IMP3: variants seen among roughly 807,000 people sequenced by gnomAD.
The protein encoded by IMP3 is IMP U3 small nucleolar ribonucleoprotein 3.
In IMP3, 17 loss-of-function variants were observed where a neutral mutation model predicts 10.2. The ratio of observed to expected loss-of-function variants is 1.67; its 90% confidence interval spans 1.14 to 2.50. The LOEUF is 2.50. Among genes scored for constraint, IMP3 ranks in the 30% most tolerant of loss-of-function variants. The pLI is 0.00. For synonymous variants in IMP3, 167 were observed against 120.1 expected (o/e 1.39, Z -2.55); for missense variants, 290 against 260.2 (o/e 1.11, Z -0.79).
Position 75,639,642 on chromosome 15 carries a change from T to C in IMP3, c.527A>G (p.Glu176Gly), listed in dbSNP as rs1041614779. ...IKRHVLEYNE[E>G]RDDFDLEA ...GGCTTCCAGATCGAAGTCATCGCGC[T>C]CCTCATTGTACTCTAGCACGTGCCG... is the stretch of plus-strand genomic sequence containing the variant. The change falls in exon 1 of 1, where the codon GAG becomes GGG. Residue 176 changes from glutamate to glycine, a missense_variant. Physicochemically the swap from Glu to Gly is moderately conservative, Grantham distance 98. Transcript: ENST00000403490. 8 of 1,613,884 alleles carry C rather than the reference T, an allele frequency of 5.0e-6. No individual in the cohort carries two copies. The highest frequency in any genetic ancestry group is 5.1e-6 in the Non-Finnish European group (6 of 1,180,030).
Position 75,639,908 on chromosome 15 carries a change from G to A in IMP3, c.261C>T (p.Gly87=), listed in dbSNP as rs1458248833. 6.2e-7 allele frequency: 1 copy of A among 1,610,864 alleles called. No homozygotes were observed. Among genetic ancestry groups the A allele is most frequent in the Non-Finnish European group, 8.5e-7 (1 of 1,179,128 alleles). ...AALLDKLYAL[G]LVPTRGSLEL... is the part of the protein sequence containing the mutation. ...CCAGCGAACCGCGCGTGGGCACCAA[G>A]CCGAGAGCATACAGCTTGTCCAGCA... Residue 87 remains glycine (G), a synonymous_variant, in exon 1 of 1, where the codon GGC becomes GGT. Coordinates refer to ENST00000403490, the MANE Select transcript of IMP3 (RefSeq NM_018285.4).
Position 75,639,493 on chromosome 15 carries a change from T to C in IMP3, c.*121A>G, listed in dbSNP as rs559246780. ...CTATGCATGGCCTGCCACTGATGAA[T>C]CAAATTCTTAAGAACCTACGACCGT... On this transcript the variant is annotated 3_prime_UTR_variant, in exon 1 of 1. Coordinates refer to ENST00000403490, the MANE Select transcript of IMP3 (RefSeq NM_018285.4). 1.2e-4 allele frequency: 101 copies of C among 854,088 alleles called. No homozygotes were observed. The African/African-American group carries it at 1.6e-3, about 13-fold the overall frequency. The allele number at this position is 854,088 out of a possible 1,614,324, so 52.9% of individuals were successfully genotyped here. A position where few individuals can be genotyped will look rare whatever the true frequency, so the allele number is the denominator to read the frequency against.
At position 75,640,175 on chromosome 15, in the gene IMP3, G is replaced by GGCAGCC. The variant is rs749116104; in HGVS notation, c.-13_-8dup. 4.2e-5 allele frequency: 63 copies of GGCAGCC among 1,506,330 alleles called. No homozygotes were observed. The highest frequency in any genetic ancestry group is 5.3e-5 in the South Asian group (4 of 75,730). The allele number at this position is 1,506,330 out of a possible 1,614,324, so 93.3% of individuals were successfully genotyped here. On this transcript the variant is annotated 5_prime_UTR_variant, in exon 1 of 1. Transcript: ENST00000403490. ...ACTTAAGCTTCCGCACCATGATGGC[G>GGCAGCC]GCAGCCGCAGCCGCAGGACCCGAAG...
At position 75,639,993 on chromosome 15, in the gene IMP3, G is replaced by T. The variant is rs751615728; in HGVS notation, c.176C>A (p.Ala59Glu). The part of the protein sequence containing the change: ...NQLSRAVREL[A>E]RRLRDLPERD... ...TTCGGGCAGGTCGCGCAGGCGCCGC[G>T]CCAGCTCACGCACGGCACGGCTCAG... Residue 59 changes from alanine to glutamate, a missense_variant, in exon 1 of 1, where the codon GCG (alanine) becomes GAG (glutamate). Coordinates refer to ENST00000403490, the MANE Select transcript of IMP3 (RefSeq NM_018285.4). 6.2e-7 allele frequency: 1 copy of T among 1,601,490 alleles called. No individual in the cohort carries two copies.
At position 75,640,101 on chromosome 15, in the gene IMP3, A is replaced by T; in HGVS notation, c.68T>A (p.Val23Asp). Residue 23 changes from valine (V) to aspartate (D), a missense_variant, in exon 1 of 1, where the codon GTC becomes GAC. Transcript: ENST00000403490. ...CAGCTCGTGCAGGTTGTGGTCGGTGACCTCCCAGTTCAGGAAGTCCACCTG... is the reference window on the plus strand; with the variant it reads ...CAGCTCGTGCAGGTTGTGGTCGGTGTCCTCCCAGTTCAGGAAGTCCACCTG... The part of the protein sequence containing the change: ...LKQVDFLNWE[V>D]TDHNLHELRV... The T allele has an allele frequency of 6.2e-7, 1 of 1,601,548 alleles. No individual in the cohort carries two copies. The highest frequency in any genetic ancestry group is 1.3e-5 in the African/African-American group (1 of 74,406).
chr15:75,640,224 C>G lies in IMP3; in HGVS notation c.-56G>C. 3 of 1,462,060 alleles carry G rather than the reference C, an allele frequency of 2.1e-6. No individual in the cohort carries two copies. The highest frequency in any genetic ancestry group is 2.7e-6 in the Non-Finnish European group (3 of 1,107,420). The allele number at this position is 1,462,060 out of a possible 1,614,324, so 90.6% of individuals were successfully genotyped here. A position where few individuals can be genotyped will look rare whatever the true frequency, so the allele number is the denominator to read the frequency against. ...AGCTGAGAGCGCGTTCTGGCATCCG[C>G]GCGATTTCCGCCGCGGCGCCCCAAG... On this transcript the variant is annotated 5_prime_UTR_variant, in exon 1 of 1. Transcript: ENST00000403490.
chr15:75,639,564 GCCTCAGTTTT>G lies in IMP3; in HGVS notation c.*40_*49del. ...ACCCTCATAGAATCTCCAGCATCAG[GCCTCAGTTTT>G]CCCATCTGTAAAAGACAGCCATGCA... is the stretch of plus-strand genomic sequence containing the variant. On this transcript the variant is annotated 3_prime_UTR_variant, in exon 1 of 1. Coordinates refer to ENST00000403490, the MANE Select transcript of IMP3 (RefSeq NM_018285.4). The G allele has an allele frequency of 6.6e-7, 1 of 1,524,716 alleles. No homozygotes were observed. Among genetic ancestry groups the G allele is most frequent in the Non-Finnish European group, 9.1e-7 (1 of 1,100,166 alleles). The allele number at this position is 1,524,716 out of a possible 1,614,324, so 94.4% of individuals were successfully genotyped here.
Position 75,639,840 on chromosome 15 carries a change from C to T in IMP3, c.329G>A (p.Arg110His), listed in dbSNP as rs767065001. 1 of 1,609,868 alleles carries T rather than the reference C, an allele frequency of 6.2e-7. No homozygotes were observed. ...FVTASSFCRRRLPTVLLKLRM... is the reference protein window; with the variant it reads ...FVTASSFCRRHLPTVLLKLRM... ...CAGCTTGAGGAGCACGGTGGGGAGG[C>T]GGCGGCGGCAGAAGGACGAGGCCGT... is the stretch of plus-strand genomic sequence containing the variant. Residue 110 changes from arginine to histidine, a missense_variant, in exon 1 of 1, where the codon CGC becomes CAC. Arg to His is a conservative substitution (Grantham distance 29). Transcript: ENST00000403490.
chr15:75,639,372 T>G lies in IMP3; in HGVS notation c.*242A>C. Reference sequence around the variant, plus strand: ...ACAATACCCCAGTGCTGCACCAAGTTACTTCCCACTGTTTCCCAAGGCACA... The same window carrying G: ...ACAATACCCCAGTGCTGCACCAAGTGACTTCCCACTGTTTCCCAAGGCACA... On this transcript the variant is annotated 3_prime_UTR_variant, in exon 1 of 1. Transcript: ENST00000403490. 2 of 539,944 alleles carry G rather than the reference T, an allele frequency of 3.7e-6. No homozygotes were observed. The highest frequency in any genetic ancestry group is 3.5e-5 in the Admixed American group (1 of 28,346). The allele number at this position is 539,944 out of a possible 1,614,324, so 33.4% of individuals were successfully genotyped here.
At position 75,639,853 on chromosome 15, in the gene IMP3, A is replaced by T; in HGVS notation, c.316T>A (p.Phe106Ile). 2 of 1,611,214 alleles carry T rather than the reference A, an allele frequency of 1.2e-6. No homozygotes were observed. Among genetic ancestry groups the T allele is most frequent in the South Asian group, 2.2e-5 (2 of 90,946 alleles). ...ELCDFVTASSFCRRRLPTVLL... is the reference protein window; with the variant it reads ...ELCDFVTASSICRRRLPTVLL... Reference sequence around the variant, plus strand: ...ACGGTGGGGAGGCGGCGGCGGCAGAAGGACGAGGCCGTGACGAAGTCGCAG... The same window carrying T: ...ACGGTGGGGAGGCGGCGGCGGCAGATGGACGAGGCCGTGACGAAGTCGCAG... The change falls in exon 1 of 1, where the codon TTC becomes ATC. Residue 106 changes from phenylalanine to isoleucine, a missense_variant. By Grantham distance (21) the Phe-to-Ile change is conservative. Transcript: ENST00000403490.
chr15:75,639,582 G>GT lies in IMP3; in HGVS notation c.*31dup. 1 of 1,596,958 alleles carries GT rather than the reference G, an allele frequency of 6.3e-7. No homozygotes were observed. ...GCATCAGGCCTCAGTTTTCCCATCT[G>GT]TAAAAGACAGCCATGCAAAGTGGGA... On this transcript the variant is annotated 3_prime_UTR_variant, in exon 1 of 1. Coordinates refer to ENST00000403490, the MANE Select transcript of IMP3 (RefSeq NM_018285.4).
Position 75,640,196 on chromosome 15 carries a change from C to G in IMP3, c.-28G>C, listed in dbSNP as rs776746583. ...TGGCGGCAGCCGCAGCCGCAGGACC[C>G]GAAGCTGAGAGCGCGTTCTGGCATC... On this transcript the variant is annotated 5_prime_UTR_variant, in exon 1 of 1. Coordinates refer to ENST00000403490, the MANE Select transcript of IMP3 (RefSeq NM_018285.4). 67 of 1,493,404 alleles carry G rather than the reference C, an allele frequency of 4.5e-5. No homozygotes were observed. Among genetic ancestry groups the G allele is most frequent in the African/African-American group, 9.9e-5 (7 of 70,418 alleles). The allele number at this position is 1,493,404 out of a possible 1,614,324, so 92.5% of individuals were successfully genotyped here. A position where few individuals can be genotyped will look rare whatever the true frequency, so the allele number is the denominator to read the frequency against.
rs1893405321 is a variant in IMP3, at chr15:75,640,013, G to A, written c.156C>T (p.Ser52=). 2 of 1,601,014 alleles carry A rather than the reference G, an allele frequency of 1.2e-6. No individual in the cohort carries two copies. Among genetic ancestry groups the A allele is most frequent in the Non-Finnish European group, 1.7e-6 (2 of 1,175,100 alleles). ...REDYTRYNQL[S]RAVRELARRL... Reference sequence around the variant, plus strand: ...GCCGCGCCAGCTCACGCACGGCACGGCTCAGCTGGTTGTAGCGCGTGTAGT... The same window carrying A: ...GCCGCGCCAGCTCACGCACGGCACGACTCAGCTGGTTGTAGCGCGTGTAGT... Residue 52 remains serine (S), a synonymous_variant, in exon 1 of 1, where the codon AGC becomes AGT. Transcript: ENST00000403490.
chr15:75,640,006 C>T lies in IMP3; in HGVS notation c.163G>A (p.Val55Met), dbSNP rs1447311088. ...CGCAGGCGCCGCGCCAGCTCACGCA[C>T]GGCACGGCTCAGCTGGTTGTAGCGC... Reference protein sequence around the residue: ...YTRYNQLSRAVRELARRLRDL... With the variant: ...YTRYNQLSRAMRELARRLRDL... The change falls in exon 1 of 1, where the codon GTG (valine) becomes ATG (methionine). Residue 55 changes from valine to methionine, a missense_variant. Transcript: ENST00000403490. The T allele has an allele frequency of 6.2e-7, 1 of 1,601,096 alleles. No homozygotes were observed. Among genetic ancestry groups the T allele is most frequent in the South Asian group, 1.1e-5 (1 of 89,908 alleles).
chr15:75,639,344 C>A lies in IMP3; in HGVS notation c.*270G>T. Reference sequence around the variant, plus strand: ...ATTACAAAGTTTCCAACACAAGAAGCCAACAATACCCCAGTGCTGCACCAA... The same window carrying A: ...ATTACAAAGTTTCCAACACAAGAAGACAACAATACCCCAGTGCTGCACCAA... On this transcript the variant is annotated 3_prime_UTR_variant, in exon 1 of 1. Transcript: ENST00000403490. 1 of 455,184 alleles carries A rather than the reference C, an allele frequency of 2.2e-6. No individual in the cohort carries two copies. Among genetic ancestry groups the A allele is most frequent in the South Asian group, 2.7e-5 (1 of 37,158 alleles). 28.2% of individuals were successfully genotyped at this position (455,184 alleles called of 1,614,324 possible). A position where few individuals can be genotyped will look rare whatever the true frequency, so the allele number is the denominator to read the frequency against.
In IMP3 at chr15:75,639,796, G is replaced by T. The variant is rs1274994376; in HGVS notation, c.373C>A (p.Gln125Lys). Residue 125 changes from glutamine (Q) to lysine (K), a missense_variant, in exon 1 of 1, where the codon CAG becomes AAG. By Grantham distance (53) the Gln-to-Lys change is moderately conservative. Coordinates refer to ENST00000403490, the MANE Select transcript of IMP3 (RefSeq NM_018285.4). Reference protein sequence around the residue: ...LLKLRMAQHLQAAVAFVEQGH... With the variant: ...LLKLRMAQHLKAAVAFVEQGH... ...TGCTCCACAAAGGCCACGGCAGCCT[G>T]AAGGTGCTGCGCCATGCGCAGCTTG... 6.2e-7 allele frequency: 1 copy of T among 1,612,554 alleles called. No homozygotes were observed. The highest frequency in any genetic ancestry group is 1.1e-5 in the South Asian group (1 of 91,048).
In IMP3 at chr15:75,639,321, T is replaced by G. The variant is rs989221363; in HGVS notation, c.*293A>C. The G allele has an allele frequency of 4.7e-5, 19 of 403,950 alleles. No individual in the cohort carries two copies. Among genetic ancestry groups the G allele is most frequent in the Admixed American group, 8.6e-5 (2 of 23,138 alleles). 25.0% of individuals were successfully genotyped at this position (403,950 alleles called of 1,614,324 possible). On this transcript the variant is annotated 3_prime_UTR_variant, in exon 1 of 1. Coordinates refer to ENST00000403490, the MANE Select transcript of IMP3 (RefSeq NM_018285.4). ...GGATTTCCAGTTTTTCCTTTTACAT[T>G]ACAAAGTTTCCAACACAAGAAGCCA...
At position 75,639,548 on chromosome 15, in the gene IMP3, G is replaced by A. The variant is rs1893392094; in HGVS notation, c.*66C>T. The stretch of plus-strand genomic sequence containing the variant: ...TACCCTTGAGGAGAGCACCCTCATA[G>A]AATCTCCAGCATCAGGCCTCAGTTT... On this transcript the variant is annotated 3_prime_UTR_variant, in exon 1 of 1. Coordinates refer to ENST00000403490, the MANE Select transcript of IMP3 (RefSeq NM_018285.4). The A allele has an allele frequency of 1.4e-6, 2 of 1,445,506 alleles. No individual in the cohort carries two copies. Among genetic ancestry groups the A allele is most frequent in the Non-Finnish European group, 9.7e-7 (1 of 1,030,642 alleles). 89.5% of individuals were successfully genotyped at this position (1,445,506 alleles called of 1,614,324 possible).
In IMP3 at chr15:75,639,796, G is replaced by GA; in HGVS notation, c.372dup (p.Gln125SerfsTer17). 1 of 1,612,554 alleles carries GA rather than the reference G, an allele frequency of 6.2e-7. No homozygotes were observed. ...TGCTCCACAAAGGCCACGGCAGCCT[G>GA]AAGGTGCTGCGCCATGCGCAGCTTG... On this transcript the variant is annotated frameshift_variant, in exon 1 of 1. Coordinates refer to ENST00000403490, the MANE Select transcript of IMP3 (RefSeq NM_018285.4). LOFTEE classifies it high-confidence loss of function.
Sources: allele counts gnomAD v4.1 joint callset, GRCh38; gene constraint gnomAD v4.1.1; transcripts MANE v1.5; gene names NCBI Gene and HGNC (gene_info 2026-07-23, HGNC 2026-07-21).